Variants in SDK1 observed in about 807,000 individuals in gnomAD.
SDK1 encodes the protein sidekick cell adhesion molecule 1.
Under a neutral mutation model 245.5 loss-of-function variants are expected in SDK1, and 157 were observed. The observed-to-expected ratio is 0.64, with a 90% CI of 0.56 to 0.73. The LOEUF (loss-of-function observed/expected upper bound fraction) is 0.73. SDK1 is among the 30% of genes least tolerant of loss of function. The pLI is 0.00. For missense variants in SDK1, 3,583 were observed against 3,002.3 expected, an observed-to-expected ratio of 1.19 and a Z score of -4.52; for synonymous variants, 1,647 against 1,278.5, an observed-to-expected ratio of 1.29 and a Z score of -6.15.
chr7:4,118,013 C>T (rs1783820880), intron 25 of SDK1, among the ~76,000 whole-genome samples: 1 of 151,996 alleles, frequency 6.6e-6, no homozygotes, highest in Non-Finnish European at 1.5e-5. Context: ...CCAGGAACTC[C>T]CAGAACAGAA....
At chr7:3,616,636 A>G (rs990626794) in intron 1 of SDK1, among the ~76,000 whole-genome samples, 5 of 152,236 alleles carry the variant, frequency 3.3e-5, no homozygotes, top group African/African-American at 1.2e-4. Flanking sequence ...ATTTGAATGA[A>G]TAAATGAATA....
rs547434435 is a variant in SDK1, at chr7:3,697,329, C to T, written c.713+55224C>T. ...TTTCCCGCTGCAATTTACAGTGTGT[C>T]TTCAGGGTGTCAGTCACTGATTTGG... On this transcript the variant is annotated intron_variant, in intron 4 of 44. Transcript: ENST00000404826. Among the ~76,000 whole-genome samples the T allele has an allele frequency of 5.9e-5, 9 of 152,316 alleles. No homozygotes were observed. In the East Asian group the frequency reaches 1.3e-3, roughly 23 times the overall value.
chr7:3,610,218 C>T (rs543185112), intron 1 of SDK1, among the ~76,000 whole-genome samples: 1 of 152,258 alleles, frequency 6.6e-6, no homozygotes, highest in Non-Finnish European at 1.5e-5. Flanking sequence ...GTTTTTATGG[C>T]AGTACATATT....
intron 4 of SDK1, among the ~76,000 whole-genome samples, chr7:3,749,020 A>G (rs1202076400): frequency 6.6e-6 from 1 of 152,242 alleles, no homozygotes; most frequent in African/African-American, 2.4e-5. Context: ...TTAGATGGAG[A>G]CATGCCAGTA....
intron 25 of SDK1, among the ~76,000 whole-genome samples, chr7:4,125,844 A>C (rs917313722): frequency 6.6e-6 from 1 of 151,858 alleles, no homozygotes; most frequent in Non-Finnish European, 1.5e-5. Context: ...GAAGACTCTT[A>C]AGTAAGGAAG....
intron 1 of SDK1, among the ~76,000 whole-genome samples, chr7:3,303,011 C>T (rs1368250974): frequency 6.6e-6 from 1 of 151,790 alleles, no homozygotes; most frequent in Non-Finnish European, 1.5e-5. Context: ...ACAACGAACT[C>T]ATACTTTTTT....
chr7:3,659,962 C>T (rs1783302776), intron 4 of SDK1, among the ~76,000 whole-genome samples: 1 of 152,154 alleles, frequency 6.6e-6, no homozygotes, highest in Non-Finnish European at 1.5e-5. Flanking sequence ...ATGATGACAA[C>T]TGGATTCAGA....
chr7:3,620,162 C>G (rs1264062352), intron 2 of SDK1, among the ~76,000 whole-genome samples: 1 of 152,180 alleles, frequency 6.6e-6, no homozygotes, highest in African/African-American at 2.4e-5. Flanking sequence ...CCCACCCACT[C>G]ACTCTCTTTA....
At chr7:3,913,800 C>A (rs1295031813) in intron 5 of SDK1, among the ~76,000 whole-genome samples, 1 of 152,106 alleles carries the variant, frequency 6.6e-6, no homozygotes, top group African/African-American at 2.4e-5. Flanking sequence ...GATGCTGACC[C>A]CTGACAATTT....
At position 3,720,921 on chromosome 7, in the gene SDK1, G is replaced by GT. The variant is rs543679636; in HGVS notation, c.713+78817dup. ...CATCACACATCGCTCATAATAAGAAGTGATGGGCTTCTGATACACACAACT... is the reference window on the plus strand; with the variant it reads ...CATCACACATCGCTCATAATAAGAAGTTGATGGGCTTCTGATACACACAACT... On this transcript the variant is annotated intron_variant, in intron 4 of 44. Transcript: ENST00000404826. Among the ~76,000 whole-genome samples, 51 of 152,328 alleles carry GT rather than the reference G, an allele frequency of 3.3e-4. No homozygotes were observed. The South Asian group carries it at 9.9e-3, about 30-fold the overall frequency.
At chr7:3,747,126 T>C (rs1450688893) in intron 4 of SDK1, among the ~76,000 whole-genome samples, 1 of 152,204 alleles carries the variant, frequency 6.6e-6, no homozygotes, top group Admixed American at 6.5e-5. Context: ...TGATGTAATA[T>C]ATAAATTAGG....
intron 40 of SDK1, among the ~76,000 whole-genome samples, chr7:4,232,494 G>A (rs1386508343): frequency 7.4e-6 from 1 of 135,060 alleles, no homozygotes; most frequent in Admixed American, 8.5e-5. Context: ...GTCTCACTCT[G>A]TTACCCAGGC....
rs769024696 is a variant in SDK1 at position 4,145,716 on chromosome 7, C to T, written c.4229-6C>T. On this transcript the variant is annotated splice_region_variant and splice_polypyrimidine_tract_variant and intron_variant, in intron 28 of 44. Coordinates refer to ENST00000404826, the MANE Select transcript of SDK1 (RefSeq NM_152744.4). ...AGCAGCTGTCTCCCATGTCACCTGCCTGCAGGGTACCAGATTGCCTACCGC... is the reference window on the plus strand; with the variant it reads ...AGCAGCTGTCTCCCATGTCACCTGCTTGCAGGGTACCAGATTGCCTACCGC... 1.9e-6 allele frequency: 3 copies of T among 1,596,596 alleles called. No individual in the cohort carries two copies. The highest frequency in any genetic ancestry group is 2.6e-6 in the Non-Finnish European group (3 of 1,171,186).
chr7:4,006,024 G>A (rs1026855621), intron 14 of SDK1, among the ~76,000 whole-genome samples: 18 of 152,108 alleles, frequency 1.2e-4, no homozygotes, highest in African/African-American at 3.9e-4. Flanking sequence ...CCGAGATTGC[G>A]CCACTGCACT....
chr7:3,647,664 A>C (rs1385103432), intron 4 of SDK1, among the ~76,000 whole-genome samples: 1 of 152,008 alleles, frequency 6.6e-6, no homozygotes, highest in African/African-American at 2.4e-5. Context: ...TCCTGACTTC[A>C]GGCAATCCAC....
chr7:3,631,678 ATGTT>A (rs1454662462), intron 2 of SDK1, among the ~76,000 whole-genome samples: 2 of 152,204 alleles, frequency 1.3e-5, no homozygotes, highest in African/African-American at 4.8e-5. Flanking sequence ...ACAGATATGA[ATGTT>A]TATGGAGAAT....
intron 4 of SDK1, among the ~76,000 whole-genome samples, chr7:3,685,040 A>C (rs1784234647): frequency 6.6e-6 from 1 of 152,184 alleles, no homozygotes; most frequent in Admixed American, 6.5e-5. Flanking sequence ...ATTCATAAGG[A>C]GATGAGAAAG....
intron 4 of SDK1, among the ~76,000 whole-genome samples, chr7:3,761,161 G>A (rs1243626798): frequency 4.6e-5 from 7 of 151,496 alleles, no homozygotes; most frequent in South Asian, 2.1e-4. Flanking sequence ...CCAGGTGAGC[G>A]TGTGGATTGC....
chr7:4,217,485 C>T (rs1325253898), intron 38 of SDK1, among the ~76,000 whole-genome samples: 4 of 98,710 alleles, frequency 4.1e-5, no homozygotes, highest in Non-Finnish European at 8.0e-5. Flanking sequence ...ACCAGGCCAC[C>T]CGGAGCACCA....
Sources: allele counts gnomAD v4.1 joint callset (sites outside exome capture counted in the v4.1 genomes callset), GRCh38; gene constraint gnomAD v4.1.1; transcripts MANE v1.5; gene names NCBI Gene and HGNC (gene_info 2026-07-23, HGNC 2026-07-21).